Variants in MEI4 observed in about 807,000 individuals in gnomAD.
MEI4 encodes meiosis-specific protein MEI4.
Under a neutral mutation model 31.4 loss-of-function variants are expected in MEI4, and 27 were observed. That is an observed-to-expected ratio of 0.86 (90% confidence interval 0.63 to 1.19). The LOEUF (loss-of-function observed/expected upper bound fraction) is 1.19. Among genes scored for constraint, MEI4 ranks in the 50% most tolerant of loss-of-function variants. The probability of loss-of-function intolerance (pLI) is 0.00; values close to 1 mark genes in which losing one functional copy is unlikely to be tolerated. For synonymous variants in MEI4, 122 were observed against 145.4 expected (o/e 0.84, Z 1.16); for missense variants, 329 against 398.9 (o/e 0.82, Z 1.49).
chr6:77,746,640 T>C (rs758968829), intron 2 of MEI4, among the ~76,000 whole-genome samples: 9 of 16,028 alleles, frequency 5.6e-4, no homozygotes, highest in Admixed American at 4.7e-3. Context: ...ATATATGGCG[T>C]GTGTGTGTGT....
chr6:77,893,875 T>G (rs1766022204), intron 4 of MEI4, among the ~76,000 whole-genome samples: 1 of 152,160 alleles, frequency 6.6e-6, no homozygotes, highest in South Asian at 2.1e-4. Context: ...TAAGTCTAGT[T>G]CCTTCTCCTA....
intron 2 of MEI4, among the ~76,000 whole-genome samples, chr6:77,721,724 CT>C (rs1766713901): frequency 1.3e-5 from 1 of 74,662 alleles, no homozygotes; most frequent in African/African-American, 5.2e-5. Context: ...TTTAATGTGT[CT>C]TTTCTTATTT....
At chr6:77,680,178 C>CT (rs1362635215) in intron 1 of MEI4, among the ~76,000 whole-genome samples, 1 of 144,786 alleles carries the variant, frequency 6.9e-6, no homozygotes, top group Non-Finnish European at 1.5e-5. Context: ...ACTCAGGAGG[C>CT]TGAGGCAGCA....
At chr6:77,837,509 T>G (rs886445016) in intron 4 of MEI4, among the ~76,000 whole-genome samples, 1 of 152,180 alleles carries the variant, frequency 6.6e-6, no homozygotes, top group Non-Finnish European at 1.5e-5. Context: ...CCAAAGAGAC[T>G]TTATTAACTT....
At chr6:77,807,324 A>G (rs1426171069) in intron 3 of MEI4, among the ~76,000 whole-genome samples, 1 of 152,132 alleles carries the variant, frequency 6.6e-6, no homozygotes, top group Non-Finnish European at 1.5e-5. Context: ...TATTTGAGAA[A>G]TAGAATTAGC....
intron 2 of MEI4, among the ~76,000 whole-genome samples, chr6:77,729,465 G>GTT (rs1454870006): frequency 7.2e-5 from 11 of 152,214 alleles, no homozygotes; most frequent in African/African-American, 2.7e-4. Flanking sequence ...GGCATAGGAT[G>GTT]TGGGTTAGTA....
intron 4 of MEI4, among the ~76,000 whole-genome samples, chr6:77,884,843 T>C (rs1446104804): frequency 6.6e-6 from 1 of 152,198 alleles, no homozygotes; most frequent in East Asian, 1.9e-4. Flanking sequence ...TTGGGTTCAT[T>C]TGTGGTTGTA....
rs1396195110 is a variant in MEI4 at position 77,726,201 on chromosome 6, C to CT, written c.233-34928dup. Among the ~76,000 whole-genome samples the CT allele has an allele frequency of 6.7e-5, 10 of 148,300 alleles. No individual in the cohort carries two copies. The Admixed American group carries it at 6.8e-4, about 10-fold the overall frequency. ...TGCACCGCCCTTAATCCATTTAACT[C>CT]TGAGTTGACACAGCACACATTTCAG... On this transcript the variant is annotated intron_variant, in intron 2 of 4. Coordinates refer to ENST00000684080, the MANE Select transcript of MEI4 (RefSeq NM_001322247.2).
intron 4 of MEI4, among the ~76,000 whole-genome samples, chr6:77,890,989 A>C (rs563623226): frequency 1.1e-4 from 17 of 152,280 alleles, no homozygotes; most frequent in African/African-American, 4.1e-4. Context: ...CTTTCCTTTA[A>C]AAATTATCCA....
chr6:77,749,717 T>C (rs1463811485), intron 2 of MEI4, among the ~76,000 whole-genome samples: 1 of 152,150 alleles, frequency 6.6e-6, no homozygotes, highest in Non-Finnish European at 1.5e-5. Flanking sequence ...CCAGGAGAAC[T>C]TCCCCAAACT....
rs940903642 is a variant in MEI4 at position 77,820,508 on chromosome 6, C to T, written c.769-8423C>T. Among the ~76,000 whole-genome samples the T allele has an allele frequency of 6.6e-5, 10 of 152,174 alleles. No individual in the cohort carries two copies. Among genetic ancestry groups the T allele is most frequent in the South Asian group, 6.2e-4 (3 of 4,832 alleles). On this transcript the variant is annotated intron_variant, in intron 3 of 4. Coordinates refer to ENST00000684080, the MANE Select transcript of MEI4 (RefSeq NM_001322247.2). This position sits in a 1 kb window ranked among gnomAD's most constrained non-coding sequence, Gnocchi z 4.5. ...CTGGAACCCCTGACCTCAGGCAATT[C>T]GCCTGCCTAGGCCTCCCAAATTGCT...
At chr6:77,922,899 C>A (rs1402670248) in intron 4 of MEI4, among the ~76,000 whole-genome samples, 190 bp from the exon 5 acceptor site, 1 of 151,630 alleles carries the variant, frequency 6.6e-6, no homozygotes, top group Admixed American at 6.6e-5. Flanking sequence ...AAGTCATTCA[C>A]CATGATTGTA....
chr6:77,818,542 T>C (rs1300898626), intron 3 of MEI4, among the ~76,000 whole-genome samples: 1 of 152,172 alleles, frequency 6.6e-6, no homozygotes, highest in Non-Finnish European at 1.5e-5. Flanking sequence ...TATACACAAA[T>C]TTTTAAACCT....
intron 3 of MEI4, among the ~76,000 whole-genome samples, chr6:77,804,690 C>G (rs1769382409): frequency 1.3e-5 from 2 of 152,146 alleles, no homozygotes; most frequent in Admixed American, 6.5e-5. Flanking sequence ...TCTGAGTATA[C>G]TGATATCCAG....
At chr6:77,711,046 C>T (rs1766454012) in intron 2 of MEI4, among the ~76,000 whole-genome samples, 2 of 152,112 alleles carry the variant, frequency 1.3e-5, no homozygotes, top group East Asian at 3.8e-4. Flanking sequence ...TTTTTAGATT[C>T]CACATATAAG....
intron 3 of MEI4, among the ~76,000 whole-genome samples, chr6:77,824,752 G>A (rs1244751204): frequency 6.6e-6 from 1 of 151,964 alleles, no homozygotes; most frequent in African/African-American, 2.4e-5. Context: ...GAAAAGAAAG[G>A]GAATGTTATT....
intron 2 of MEI4, among the ~76,000 whole-genome samples, chr6:77,753,091 A>G (rs1269783338): frequency 6.6e-6 from 1 of 152,234 alleles, no homozygotes; most frequent in Non-Finnish European, 1.5e-5. Context: ...CAACTTACAC[A>G]AAAATTAACT....
chr6:77,716,807 T>C (rs1437979439), intron 2 of MEI4: 5 of 879,944 alleles, frequency 5.7e-6, no homozygotes, highest in Non-Finnish European at 6.8e-6. Flanking sequence ...TGTTGTCATG[T>C]GGAAGTTGAA....
chr6:77,840,419 A>G (rs1229439039), intron 4 of MEI4, among the ~76,000 whole-genome samples: 1 of 152,152 alleles, frequency 6.6e-6, no homozygotes, highest in Admixed American at 6.5e-5. Flanking sequence ...AGGGAAAGAA[A>G]TTTGTGACAA....
Sources: gnomAD v4.1 joint callset for allele counts (sites outside exome capture counted in the v4.1 genomes callset) on GRCh38, gnomAD v4.1.1 for gene constraint, Gnocchi (gnomAD v3.1) non-coding constraint, MANE v1.5 for transcripts, NCBI Gene and HGNC (gene_info 2026-07-23, HGNC 2026-07-21) for gene names.